The following KAZN variants were observed in gnomAD, a reference collection of about 807,000 sequenced individuals.
KAZN encodes kazrin.
A neutral mutation model predicts 87.4 loss-of-function variants in KAZN; 40 were observed. The ratio of observed to expected loss-of-function variants is 0.46; its 90% CI spans 0.36 to 0.60. The LOEUF (loss-of-function observed/expected upper bound fraction) is 0.60, where lower values mean the gene tolerates loss of function less well. KAZN is among the 20% of genes least tolerant of loss of function. KAZN has a pLI of 0.00. For missense variants in KAZN, 898 were observed against 1,073.9 expected, an observed-to-expected ratio of 0.84 and a Z score of 2.29; for synonymous variants, 466 against 458.3, an observed-to-expected ratio of 1.02 and a Z score of -0.22.
intron 2 of KAZN, among the ~76,000 whole-genome samples, chr1:14,560,442 G>C (rs1215468832): frequency 6.6e-6 from 1 of 152,162 alleles, no homozygotes; most frequent in African/African-American, 2.4e-5. Context: ...AGCCAGGCGT[G>C]GTGGTATGTG....
At chr1:14,174,432 T>G (rs1219724497) in intron 1 of KAZN, among the ~76,000 whole-genome samples, 1 of 152,134 alleles carries the variant, frequency 6.6e-6, no homozygotes, top group Non-Finnish European at 1.5e-5. Flanking sequence ...TTGGGGTCTT[T>G]ATGGCTCAGG....
At chr1:14,916,282 G>A (rs897637452) in intron 1 of KAZN, among the ~76,000 whole-genome samples, 3 of 145,736 alleles carry the variant, frequency 2.1e-5, no homozygotes, top group African/African-American at 7.6e-5. Flanking sequence ...CGATTCTCCT[G>A]CCTCAGCCTC....
intron 2 of KAZN, among the ~76,000 whole-genome samples, chr1:14,357,381 G>A (rs1007988963): frequency 2.0e-5 from 3 of 152,182 alleles, no homozygotes; most frequent in Non-Finnish European, 4.4e-5. Context: ...GAGACAATTT[G>A]ACTTCCTCTC....
chr1:15,010,583 G>T (rs753159715), intron 2 of KAZN, among the ~76,000 whole-genome samples: 3 of 151,954 alleles, frequency 2.0e-5, no homozygotes, highest in Non-Finnish European at 2.9e-5. Context: ...TAGTAGAGAC[G>T]GGGTTTCACC....
chr1:14,390,154 T>C (rs1001675547), intron 2 of KAZN, among the ~76,000 whole-genome samples: 1 of 152,234 alleles, frequency 6.6e-6, no homozygotes, highest in East Asian at 1.9e-4. Flanking sequence ...AATCAAATTA[T>C]AGCAAATTTT....
intron 1 of KAZN, among the ~76,000 whole-genome samples, chr1:13,987,695 G>A (rs1251685180): frequency 2.1e-5 from 3 of 144,270 alleles, no homozygotes; most frequent in Non-Finnish European, 4.6e-5. Flanking sequence ...AGAGAGAGAG[G>A]AACTCATCCT....
chr1:14,272,224 G>A (rs1201092632), intron 2 of KAZN, among the ~76,000 whole-genome samples: 2 of 152,146 alleles, frequency 1.3e-5, no homozygotes, highest in Non-Finnish European at 2.9e-5. Flanking sequence ...CTGGGTTCAG[G>A]CATGGGTGGC....
intron 1 of KAZN, among the ~76,000 whole-genome samples, chr1:14,784,393 G>A (rs141481832): frequency 2.0e-3 from 305 of 152,262 alleles, no homozygotes; most frequent in African/African-American, 6.9e-3. Context: ...GGGAGTCTGG[G>A]GAGGTATGGG....
chr1:14,229,313 A>G (rs11809915), intron 2 of KAZN, among the ~76,000 whole-genome samples: 15,342 of 152,242 alleles, frequency 0.1, 1,667 homozygotes, highest in African/African-American at 0.26. Flanking sequence ...AACATTGCCT[A>G]TCTGTATTAC....
intron 2 of KAZN, among the ~76,000 whole-genome samples, chr1:14,337,842 C>CAAGATTG (rs1657383741): frequency 7.0e-6 from 1 of 142,404 alleles, no homozygotes; most frequent in African/African-American, 2.6e-5. Flanking sequence ...TATGATGAGC[C>CAAGATTG]AAGATTGAAT....
intron 2 of KAZN, among the ~76,000 whole-genome samples, chr1:14,305,727 T>A (rs907070406): frequency 1.3e-5 from 2 of 151,968 alleles, no homozygotes; most frequent in African/African-American, 4.8e-5. Flanking sequence ...AGGGTATCGC[T>A]AAGAACCAGG....
intron 2 of KAZN, among the ~76,000 whole-genome samples, chr1:14,375,836 G>A (rs985164025): frequency 6.6e-6 from 1 of 151,976 alleles, no homozygotes; most frequent in African/African-American, 2.4e-5. Flanking sequence ...TGCAGTGAGC[G>A]GAGATCACGC....
intron 1 of KAZN, among the ~76,000 whole-genome samples, chr1:14,057,788 A>G (rs1198647976): frequency 3.3e-5 from 5 of 152,220 alleles, no homozygotes; most frequent in Non-Finnish European, 5.9e-5. Flanking sequence ...TCCAAAATGT[A>G]TGCTTCATGA....
chr1:15,029,486 G>A (rs55698907), intron 2 of KAZN, among the ~76,000 whole-genome samples: 13,928 of 152,230 alleles, frequency 0.091, 681 homozygotes, highest in African/African-American at 0.11. Context: ...CAGCCCACAC[G>A]TTGCACACGC....
intron 1 of KAZN, among the ~76,000 whole-genome samples, chr1:14,911,924 G>T (rs975903648): frequency 6.6e-6 from 1 of 152,176 alleles, no homozygotes; most frequent in Non-Finnish European, 1.5e-5. Flanking sequence ...GGCCGAGGCA[G>T]GTAGATCACC....
At chr1:15,027,070 C>CTTTTT (rs71000358) in intron 2 of KAZN, among the ~76,000 whole-genome samples, 3,798 of 56,138 alleles carry the variant, frequency 0.068, 832 homozygotes, top group Non-Finnish European at 0.086. Flanking sequence ...GCCAGTGCTT[C>CTTTTT]TTTTTTTTTT....
intron 1 of KAZN, among the ~76,000 whole-genome samples, chr1:14,922,832 A>C (rs901460887): frequency 9.5e-5 from 14 of 147,198 alleles, no homozygotes; most frequent in African/African-American, 3.0e-4. Context: ...TAGACAGGGC[A>C]GGGGTTCTAA....
chr1:15,038,126 C>T (rs983923486), intron 3 of KAZN, among the ~76,000 whole-genome samples: 5 of 152,118 alleles, frequency 3.3e-5, no homozygotes, highest in African/African-American at 7.2e-5. Context: ...GGGTGGCACA[C>T]GCCTGTAGTC....
intron 2 of KAZN, among the ~76,000 whole-genome samples, chr1:14,306,511 G>A (rs1483165165): frequency 6.6e-6 from 1 of 152,138 alleles, no homozygotes; most frequent in Non-Finnish European, 1.5e-5. Context: ...GCTCTTTCCT[G>A]ATTCTAACCT....
Sources: allele counts gnomAD v4.1 joint callset (sites outside exome capture counted in the v4.1 genomes callset), GRCh38; gene constraint gnomAD v4.1.1; transcripts MANE v1.5; gene names NCBI Gene and HGNC (gene_info 2026-07-23, HGNC 2026-07-21).